PRDM5: variants seen among roughly 807,000 people sequenced by gnomAD.
The protein encoded by PRDM5 is PR/SET domain 5.
A neutral mutation model predicts 81.2 loss-of-function variants in PRDM5; 56 were observed. The ratio of observed to expected loss-of-function variants is 0.69; its 90% CI spans 0.56 to 0.86. The LOEUF (loss-of-function observed/expected upper bound fraction) is 0.86, where lower values mean the gene tolerates loss of function less well. PRDM5 is among the 40% of genes least tolerant of loss of function. The pLI is 0.00. For missense variants in PRDM5, 697 were observed against 770.1 expected, an observed-to-expected ratio of 0.91 and a Z score of 1.12; for synonymous variants, 267 against 256.4, an observed-to-expected ratio of 1.04 and a Z score of -0.39.
In PRDM5 at chr4:120,777,260, T is replaced by C; in HGVS notation, c.1465A>G (p.Lys489Glu). 6.2e-7 allele frequency: 1 copy of C among 1,613,430 alleles called. No homozygotes were observed. The highest frequency in any genetic ancestry group is 1.7e-4 in the Middle Eastern group (1 of 6,058). The stretch of plus-strand genomic sequence containing the variant: ...TTCTGGCCACAATATGGACAGATTT[T>C]CTCCTTTTCTCCTGTATGTGTCTAA... ...HKKTHTGEKE[K>E]ICPYCGQKFA... is the part of the protein sequence containing the mutation. Residue 489 changes from lysine (K) to glutamate (E), a missense_variant, in exon 13 of 16, where the codon AAA (lysine) becomes GAA (glutamate). Transcript: ENST00000264808.
chr4:120,813,179 TCA>T (rs1377486806), intron 7 of PRDM5, among the ~76,000 whole-genome samples: 1 of 152,188 alleles, frequency 6.6e-6, no homozygotes, highest in African/African-American at 2.4e-5. Context: ...ATTTCAAATT[TCA>T]CAGTTGTTAT....
chr4:120,883,327 A>G (rs1579103704), intron 2 of PRDM5, among the ~76,000 whole-genome samples: 1 of 152,158 alleles, frequency 6.6e-6, no homozygotes, highest in Non-Finnish European at 1.5e-5. Flanking sequence ...CTAGTATACA[A>G]TTAGAAATCT....
intron 3 of PRDM5, among the ~76,000 whole-genome samples, chr4:120,845,669 C>A (rs1257608688): frequency 6.6e-6 from 1 of 152,198 alleles, no homozygotes; most frequent in Non-Finnish European, 1.5e-5. Context: ...CCTGCTAAGA[C>A]AACATCCATT....
intron 15 of PRDM5, among the ~76,000 whole-genome samples, chr4:120,705,293 G>C (rs562677077): frequency 6.6e-6 from 1 of 152,284 alleles, no homozygotes; most frequent in African/African-American, 2.4e-5. Flanking sequence ...AAAACCTTGT[G>C]TCATTGAGCT....
intron 14 of PRDM5, among the ~76,000 whole-genome samples, chr4:120,736,199 T>TTG (rs57073985): frequency 0.022 from 3,148 of 145,184 alleles, 50 homozygotes; most frequent in African/African-American, 0.048. Context: ...TACTATCCTT[T>TTG]TGTGTGTGTG....
intron 8 of PRDM5, among the ~76,000 whole-genome samples, chr4:120,809,375 T>C (rs1042492996): frequency 6.6e-6 from 1 of 151,834 alleles, no homozygotes; most frequent in African/African-American, 2.4e-5. Flanking sequence ...ACATGTTCCC[T>C]AGAACTTAAA....
chr4:120,799,927 T>C (rs1751885140), intron 8 of PRDM5, among the ~76,000 whole-genome samples, 182 bp from the exon 9 acceptor site: 1 of 152,212 alleles, frequency 6.6e-6, no homozygotes, highest in South Asian at 2.1e-4. Context: ...ACATAAGTTA[T>C]GTAGTAAAAA....
At chr4:120,895,911 T>A (rs754191929) in intron 2 of PRDM5, among the ~76,000 whole-genome samples, 2 of 152,162 alleles carry the variant, frequency 1.3e-5, no homozygotes, top group Non-Finnish European at 2.9e-5. Flanking sequence ...TTAACTTCAG[T>A]CAACACTAAA....
chr4:120,720,776 A>G (rs1217522668), intron 14 of PRDM5, among the ~76,000 whole-genome samples: 3 of 152,258 alleles, frequency 2.0e-5, no homozygotes, highest in Admixed American at 6.5e-5. Flanking sequence ...TAAACAATGC[A>G]TCTAAAAATT....
chr4:120,865,264 G>C (rs1320843698), intron 2 of PRDM5, among the ~76,000 whole-genome samples: 1 of 152,072 alleles, frequency 6.6e-6, no homozygotes, highest in East Asian at 1.9e-4. Context: ...TGGGTTCAAG[G>C]ACTCTACCAC....
chr4:120,881,127 T>C (rs1762801134), intron 2 of PRDM5, among the ~76,000 whole-genome samples: 1 of 152,176 alleles, frequency 6.6e-6, no homozygotes, highest in Non-Finnish European at 1.5e-5. Flanking sequence ...TTATAAAATG[T>C]TTTTCCCTTC....
At chr4:120,840,955 G>A (rs1757961801) in intron 3 of PRDM5, among the ~76,000 whole-genome samples, 1 of 152,212 alleles carries the variant, frequency 6.6e-6, no homozygotes, top group South Asian at 2.1e-4. Flanking sequence ...CTCACCTCCA[G>A]CTGTGCAGCC....
intron 2 of PRDM5, among the ~76,000 whole-genome samples, chr4:120,902,377 G>A (rs756010967): frequency 2.6e-5 from 4 of 152,172 alleles, no homozygotes; most frequent in Non-Finnish European, 4.4e-5. Context: ...TCTTGGAGAC[G>A]TAAAAACAAA....
intron 15 of PRDM5, among the ~76,000 whole-genome samples, chr4:120,706,130 C>T (rs1286544779): frequency 1.3e-5 from 2 of 151,070 alleles, no homozygotes; most frequent in East Asian, 1.9e-4. Context: ...CTTGCTCCCT[C>T]GCCCAAGATG....
chr4:120,837,055 C>T (rs902346109), intron 3 of PRDM5, among the ~76,000 whole-genome samples: 2 of 152,154 alleles, frequency 1.3e-5, no homozygotes, highest in African/African-American at 4.8e-5. Flanking sequence ...CTTCCAGCAC[C>T]ATCTCCACCA....
At chr4:120,698,463 T>C (rs1421092170) in intron 15 of PRDM5, among the ~76,000 whole-genome samples, 1 of 152,192 alleles carries the variant, frequency 6.6e-6, no homozygotes, top group Non-Finnish European at 1.5e-5. Context: ...TGCCCAATCC[T>C]TGGCTTTCTT....
intron 3 of PRDM5, among the ~76,000 whole-genome samples, chr4:120,851,538 G>C (rs538570799): frequency 6.6e-6 from 1 of 151,628 alleles, no homozygotes; most frequent in South Asian, 2.1e-4. Context: ...TGGAAAAGTG[G>C]CTTGAATATC....
At chr4:120,840,078 C>T (rs1757829538) in intron 3 of PRDM5, among the ~76,000 whole-genome samples, 1 of 152,344 alleles carries the variant, frequency 6.6e-6, no homozygotes, top group Middle Eastern at 3.4e-3. Flanking sequence ...CCTGGGTCCA[C>T]AGCGCCAACT....
At chr4:120,759,731 A>G (rs1745321396) in intron 13 of PRDM5, among the ~76,000 whole-genome samples, 2 of 152,240 alleles carry the variant, frequency 1.3e-5, no homozygotes, top group African/African-American at 4.8e-5. Flanking sequence ...ATGTGATCCA[A>G]CTTCAAATAA....
Sources: allele counts gnomAD v4.1 joint callset (sites outside exome capture counted in the v4.1 genomes callset), GRCh38; gene constraint gnomAD v4.1.1; transcripts MANE v1.5; gene names NCBI Gene and HGNC (gene_info 2026-07-23, HGNC 2026-07-21).